RARA: variants seen among roughly 807,000 people sequenced by gnomAD.
RARA encodes the protein retinoic acid receptor alpha.
RARA carries 5 observed loss-of-function variants against 42.8 expected under a neutral mutation model. That is an observed-to-expected ratio of 0.12 (90% CI 0.06 to 0.25). The LOEUF (loss-of-function observed/expected upper bound fraction) is 0.25. Ranked by LOEUF, RARA falls within the 10% of genes least tolerant of loss-of-function variation. The pLI, the probability that RARA is intolerant of heterozygous loss-of-function variation, is 1.00. For synonymous variants in RARA, 256 were observed against 259.5 expected, an observed-to-expected ratio of 0.99 and a Z score of 0.13; for missense variants, 402 against 628.7, an observed-to-expected ratio of 0.64 and a Z score of 3.86.
rs921679945 is a variant in RARA, at chr17:40,354,151, C to A, written c.808-151C>A. On this transcript the variant is annotated intron_variant, in intron 6 of 8. Transcript: ENST00000254066. The surrounding 1 kb of genome is among the most constrained non-coding windows in gnomAD (Gnocchi z 4.5). The stretch of plus-strand genomic sequence containing the variant: ...AGGTATGGATGGTGCAGACGTAGAA[C>A]CTTTCCATCATTGTAGAAAATTCTA... The A allele has an allele frequency of 1.2e-4, 84 of 716,958 alleles. No individual in the cohort carries two copies. Among genetic ancestry groups the A allele is most frequent in the Non-Finnish European group, 1.9e-4 (80 of 424,772 alleles). 44.4% of individuals were successfully genotyped at this position (716,958 alleles called of 1,614,324 possible).
Position 40,320,518 on chromosome 17 carries a change from G to A in RARA, c.-362-10339G>A, listed in dbSNP as rs1465112403. Reference sequence around the variant, plus strand: ...TTCACCCAGACCCCAGCTAATGCGCGCCCCTTCCCCTAAACCATTTAGTCT... The same window carrying A: ...TTCACCCAGACCCCAGCTAATGCGCACCCCTTCCCCTAAACCATTTAGTCT... On this transcript the variant is annotated intron_variant, in intron 1 of 8. Transcript: ENST00000254066. The surrounding 1 kb of genome is among the most constrained non-coding windows in gnomAD (Gnocchi z 4.1). Among the ~76,000 whole-genome samples the A allele has an allele frequency of 2.6e-5, 4 of 152,126 alleles. No individual in the cohort carries two copies. Among genetic ancestry groups the A allele is most frequent in the African/African-American group, 7.2e-5 (3 of 41,434 alleles).
At chr17:40,327,880 G>T (rs1257363922) in intron 1 of RARA, among the ~76,000 whole-genome samples, 1 of 152,194 alleles carries the variant, frequency 6.6e-6, no homozygotes, top group East Asian at 1.9e-4. Flanking sequence ...TTGGGAGGGG[G>T]CCAGGGCGGC....
chr17:40,349,328 C>A (rs1350953343), intron 3 of RARA: 3 of 177,222 alleles, frequency 1.7e-5, no homozygotes, highest in South Asian at 2.5e-4. Context: ...CTGCCTTGCT[C>A]CTGAGTGCAT....
chr17:40,323,554 A>G (rs1236210541), intron 1 of RARA, among the ~76,000 whole-genome samples: 4 of 151,532 alleles, frequency 2.6e-5, no homozygotes, highest in African/African-American at 9.7e-5. Flanking sequence ...CACAGCCTGC[A>G]CCCGCTTCTC....
chr17:40,351,358 G>A lies in RARA; in HGVS notation c.470-552G>A, dbSNP rs2034441551. 2.7e-6 allele frequency: 1 copy of A among 365,278 alleles called. No individual in the cohort carries two copies. Among genetic ancestry groups the A allele is most frequent in the African/African-American group, 2.2e-5 (1 of 46,444 alleles). 22.6% of individuals were successfully genotyped at this position (365,278 alleles called of 1,614,324 possible). A position where few individuals can be genotyped will look rare whatever the true frequency, so the allele number is the denominator to read the frequency against. The stretch of plus-strand genomic sequence containing the variant: ...CATCGCTTCTTTAAAGCCGAGTGGT[G>A]TGTGCGGCTCAGCGCCCCTGGTGAT... On this transcript the variant is annotated intron_variant, in intron 4 of 8. Coordinates refer to ENST00000254066, the MANE Select transcript of RARA (RefSeq NM_000964.4). This position sits in a 1 kb window ranked among gnomAD's most constrained non-coding sequence, Gnocchi z 4.1.
chr17:40,316,817 G>A (rs372280268), intron 1 of RARA, among the ~76,000 whole-genome samples: 1 of 152,046 alleles, frequency 6.6e-6, no homozygotes, highest in Admixed American at 6.5e-5. Context: ...GACAGGGCGG[G>A]AGGGGCTGGG....
At chr17:40,341,869 T>C (rs958628394) in intron 2 of RARA, 5 of 1,020,208 alleles carry the variant, frequency 4.9e-6, no homozygotes, top group East Asian at 3.3e-5. Flanking sequence ...TCCGTCCTTG[T>C]CCCCTCGCAG....
chr17:40,324,404 A>G (rs2033479762), intron 1 of RARA, among the ~76,000 whole-genome samples: 1 of 151,598 alleles, frequency 6.6e-6, no homozygotes, highest in Non-Finnish European at 1.5e-5. Context: ...TTCTGGTTCT[A>G]CGTGGACCTC....
At chr17:40,329,610 G>A (rs1478486518) in intron 1 of RARA, among the ~76,000 whole-genome samples, 5 of 151,922 alleles carry the variant, frequency 3.3e-5, no homozygotes, top group Non-Finnish European at 5.9e-5. Context: ...GTGAGCCACC[G>A]CACCCAACTG....
In RARA at chr17:40,351,895, C is replaced by A. The variant is rs764058559; in HGVS notation, c.470-15C>A. The A allele has an allele frequency of 1.2e-6, 2 of 1,608,054 alleles. No individual in the cohort carries two copies. Among genetic ancestry groups the A allele is most frequent in the Admixed American group, 3.5e-5 (2 of 57,892 alleles). On this transcript the variant is annotated splice_polypyrimidine_tract_variant and intron_variant, in intron 4 of 8. Coordinates refer to ENST00000254066, the MANE Select transcript of RARA (RefSeq NM_000964.4). This position sits in a 1 kb window ranked among gnomAD's most constrained non-coding sequence, Gnocchi z 4.1. Reference sequence around the variant, plus strand: ...AGCCTGCAGCTGCCCTCTTAACCCCCTCTGCCCTCCACAGCTGTGAGAAAC... The same window carrying A: ...AGCCTGCAGCTGCCCTCTTAACCCCATCTGCCCTCCACAGCTGTGAGAAAC...
Position 40,356,444 on chromosome 17 carries a change from A to G in RARA, c.*218A>G. 1.4e-6 allele frequency: 1 copy of G among 714,936 alleles called. No homozygotes were observed. The highest frequency in any genetic ancestry group is 2.5e-6 in the Non-Finnish European group (1 of 398,212). The allele number at this position is 714,936 out of a possible 1,614,324, so 44.3% of individuals were successfully genotyped here. ...TGCTCCCACAGCCTGGGCTGACGTC[A>G]GAGGCCGAGGCCAGGAACTGAGTGA... On this transcript the variant is annotated 3_prime_UTR_variant, in exon 9 of 9. Transcript: ENST00000254066.
At chr17:40,309,936 C>G (rs2033065475) in intron 1 of RARA, among the ~76,000 whole-genome samples, 1 of 150,976 alleles carries the variant, frequency 6.6e-6, no homozygotes, top group African/African-American at 2.4e-5. Context: ...CCGACCCCAC[C>G]TGTGTGTGTG....
chr17:40,321,608 C>T (rs1182674555), intron 1 of RARA, among the ~76,000 whole-genome samples: 2 of 152,196 alleles, frequency 1.3e-5, no homozygotes, highest in African/African-American at 2.4e-5. Flanking sequence ...GGCTGTCCAT[C>T]CCTCTGGCCA....
chr17:40,355,464 G>C lies in RARA; in HGVS notation c.1171+43G>C. On this transcript the variant is annotated intron_variant, in intron 8 of 8. Transcript: ENST00000254066. This position sits in a 1 kb window ranked among gnomAD's most constrained non-coding sequence, Gnocchi z 4.1. ...GGAGGGGTACCGGCCCCCGACACCT[G>C]GCCCAGGCCCCCACATCCAAGCCAG... 1 of 1,568,966 alleles carries C rather than the reference G, an allele frequency of 6.4e-7. No individual in the cohort carries two copies. The highest frequency in any genetic ancestry group is 8.7e-7 in the Non-Finnish European group (1 of 1,153,950).
At chr17:40,319,833 G>A (rs542178863) in intron 1 of RARA, among the ~76,000 whole-genome samples, 62 of 152,216 alleles carry the variant, frequency 4.1e-4, no homozygotes, top group Middle Eastern at 3.4e-3. Context: ...CGGGGGGGGC[G>A]GGTAGAGATG....
intron 1 of RARA, among the ~76,000 whole-genome samples, chr17:40,328,891 C>A (rs925310233): frequency 6.6e-6 from 1 of 152,166 alleles, no homozygotes; most frequent in African/African-American, 2.4e-5. Context: ...ATAAGTCTTT[C>A]TGTGGACTTA....
chr17:40,329,108 T>C (rs2033622440), intron 1 of RARA, among the ~76,000 whole-genome samples: 1 of 151,806 alleles, frequency 6.6e-6, no homozygotes, highest in Non-Finnish European at 1.5e-5. Context: ...AGAGCTAGCC[T>C]AGTGGGTATG....
intron 1 of RARA, among the ~76,000 whole-genome samples, chr17:40,315,100 G>GTA (rs10653964): frequency 0.11 from 7,689 of 72,628 alleles, 400 homozygotes; most frequent in Middle Eastern, 0.17. Flanking sequence ...TGGGTTATAT[G>GTA]TATATATATA....
chr17:40,332,546 C>G (rs963304419), intron 2 of RARA, among the ~76,000 whole-genome samples: 16 of 152,208 alleles, frequency 1.1e-4, no homozygotes, highest in African/African-American at 3.9e-4. Context: ...GTCCCTGGGG[C>G]AGGCCCTGGC....
Sources: gnomAD v4.1 joint callset for allele counts (sites outside exome capture counted in the v4.1 genomes callset) on GRCh38, gnomAD v4.1.1 for gene constraint, Gnocchi (gnomAD v3.1) non-coding constraint, MANE v1.5 for transcripts, NCBI Gene and HGNC (gene_info 2026-07-23, HGNC 2026-07-21) for gene names.